MYO3A: variants seen among roughly 807,000 people sequenced by gnomAD.
The protein encoded by MYO3A is myosin-IIIa.
Under a neutral mutation model 192.7 loss-of-function variants are expected in MYO3A, and 180 were observed. That is an observed-to-expected ratio of 0.93 (90% CI 0.83 to 1.06). MYO3A has a LOEUF of 1.06. MYO3A is among the 50% of genes least tolerant of loss of function. MYO3A has a pLI of 0.00. For synonymous variants in MYO3A, 628 were observed against 645.3 expected, an observed-to-expected ratio of 0.97 and a Z score of 0.41; for missense variants, 1,896 against 1,905.0, an observed-to-expected ratio of 1.00 and a Z score of 0.09.
chr10:25,953,280 T>C (rs1837324201), intron 3 of MYO3A, among the ~76,000 whole-genome samples: 1 of 152,114 alleles, frequency 6.6e-6, no homozygotes. Flanking sequence ...GTTTCTTTTT[T>C]TATTTTTATT....
At chr10:26,132,328 G>C (rs916877918) in intron 20 of MYO3A, among the ~76,000 whole-genome samples, 2 of 152,208 alleles carry the variant, frequency 1.3e-5, no homozygotes, top group Admixed American at 1.3e-4. Context: ...TGCAGCTGCT[G>C]TAGTGGTGGT....
intron 4 of MYO3A, among the ~76,000 whole-genome samples, chr10:25,965,949 G>GT (rs925416760): frequency 0.023 from 3,311 of 145,160 alleles, 88 homozygotes; most frequent in African/African-American, 0.061. Flanking sequence ...ATTCAGAACT[G>GT]TTTTTTTTTT....
chr10:26,081,100 TG>T (rs1211724905), intron 14 of MYO3A, among the ~76,000 whole-genome samples: 6 of 130,130 alleles, frequency 4.6e-5, no homozygotes, highest in Non-Finnish European at 9.7e-5. Context: ...CGGCGGTGGG[TG>T]GGGCCCTAGA....
intron 17 of MYO3A, among the ~76,000 whole-genome samples, chr10:26,106,462 G>A (rs995834796): frequency 2.6e-5 from 4 of 152,016 alleles, no homozygotes; most frequent in South Asian, 4.2e-4. Context: ...GCAAAAAGAA[G>A]AGTTTTACCC....
At chr10:26,026,841 A>G (rs1311584810) in intron 10 of MYO3A, among the ~76,000 whole-genome samples, 4 of 152,148 alleles carry the variant, frequency 2.6e-5, no homozygotes, top group Non-Finnish European at 5.9e-5. Context: ...AGCTGGGATT[A>G]CAGGCCCATG....
At chr10:26,094,892 G>T (rs991551754) in intron 15 of MYO3A, among the ~76,000 whole-genome samples, 2 of 152,028 alleles carry the variant, frequency 1.3e-5, no homozygotes, top group African/African-American at 2.4e-5. Flanking sequence ...GCTTTTTTCC[G>T]TTCCATGTAC....
intron 25 of MYO3A, among the ~76,000 whole-genome samples, chr10:26,155,617 A>C (rs1227911824): frequency 1.3e-5 from 2 of 152,224 alleles, no homozygotes; most frequent in Non-Finnish European, 2.9e-5. Context: ...AGAAACATAA[A>C]ATTCTTTAAA....
intron 32 of MYO3A, among the ~76,000 whole-genome samples, chr10:26,195,609 C>G (rs1049167414): frequency 1.3e-5 from 2 of 152,232 alleles, no homozygotes; most frequent in African/African-American, 4.8e-5. Flanking sequence ...CCTCCAAACT[C>G]TCCACTCCAG....
intron 17 of MYO3A, among the ~76,000 whole-genome samples, chr10:26,119,844 A>C (rs1360483226): frequency 1.3e-5 from 2 of 152,060 alleles, no homozygotes; most frequent in Non-Finnish European, 2.9e-5. Flanking sequence ...ACTACTATAA[A>C]CTCTATACTG....
At chr10:26,075,606 T>C (rs1835485747) in intron 14 of MYO3A, among the ~76,000 whole-genome samples, 1 of 127,686 alleles carries the variant, frequency 7.8e-6, no homozygotes, top group Admixed American at 7.8e-5. Flanking sequence ...TATATGTCTC[T>C]CTCATATATA....
At chr10:25,991,637 A>G (rs145126128) in intron 4 of MYO3A, among the ~76,000 whole-genome samples, 9,725 of 152,242 alleles carry the variant, frequency 0.064, 396 homozygotes, top group Non-Finnish European at 0.094. Context: ...TAGGGTTTTT[A>G]TAGTTTTAGG....
intron 22 of MYO3A, 51 bp downstream of exon 22, chr10:26,145,585 A>G (rs1229900842): frequency 1.5e-6 from 2 of 1,327,302 alleles, no homozygotes; most frequent in East Asian, 2.3e-5. Flanking sequence ...CTTTTAATGA[A>G]TAATAGGATA....
chr10:26,190,980 A>ATTTTAATTAAT (rs1300484336), intron 31 of MYO3A, among the ~76,000 whole-genome samples: 81 of 152,118 alleles, frequency 5.3e-4, no homozygotes, highest in Non-Finnish European at 1.8e-4. Flanking sequence ...GGCCATCTTC[A>ATTTTAATTAAT]TTTTAATTAA....
chr10:26,066,121 CAAA>C (rs1331706742), intron 10 of MYO3A, among the ~76,000 whole-genome samples: 1 of 19,378 alleles, frequency 5.2e-5, no homozygotes, highest in South Asian at 2.2e-3. Flanking sequence ...AACTCCGTCT[CAAA>C]AAAAAAAAAA....
At chr10:26,176,883 G>C in intron 31 of MYO3A, 38 bp downstream of exon 31, 1 of 1,602,204 alleles carries the variant, frequency 6.2e-7, no homozygotes, top group Admixed American at 1.7e-5. Flanking sequence ...TGAATGGGAA[G>C]GAAATGCCAG....
At position 26,074,371 on chromosome 10, in the gene MYO3A, T is replaced by C. The variant is rs548142148; in HGVS notation, c.1359+3970T>C. ...GATCAAATTGTATCTTTTTGTCATA[T>C]AGCTATTCAGTTATCCCAATACCAC... is the stretch of plus-strand genomic sequence containing the variant. On this transcript the variant is annotated intron_variant, in intron 14 of 34. Transcript: ENST00000642920. Among the ~76,000 whole-genome samples the C allele has an allele frequency of 3.9e-4, 60 of 152,052 alleles. No individual in the cohort carries two copies. In the Middle Eastern group the frequency reaches 0.01, roughly 26 times the overall value.
At chr10:26,124,026 A>G (rs968373269) in intron 18 of MYO3A, among the ~76,000 whole-genome samples, 2 of 127,938 alleles carry the variant, frequency 1.6e-5, no homozygotes, top group Non-Finnish European at 3.5e-5. Context: ...TCTACCAAAT[A>G]ATAATAATAA....
chr10:26,171,419 G>A (rs1010830554), intron 29 of MYO3A, among the ~76,000 whole-genome samples: 7 of 152,052 alleles, frequency 4.6e-5, no homozygotes, highest in Non-Finnish European at 7.4e-5. Context: ...TTCACCCACC[G>A]CTATTCTCTC....
chr10:26,182,079 G>A (rs776581352), intron 31 of MYO3A, among the ~76,000 whole-genome samples: 3 of 152,098 alleles, frequency 2.0e-5, no homozygotes, highest in Non-Finnish European at 4.4e-5. Flanking sequence ...CTTCACATAC[G>A]CGAGGTGGTT....
Sources: gnomAD v4.1 joint callset for allele counts (sites outside exome capture counted in the v4.1 genomes callset) on GRCh38, gnomAD v4.1.1 for gene constraint, MANE v1.5 for transcripts, NCBI Gene and HGNC (gene_info 2026-07-23, HGNC 2026-07-21) for gene names.